Variants in ZNF385B observed in about 807,000 individuals in gnomAD.
The protein encoded by ZNF385B is zinc finger protein 385B, also known as zinc finger protein 533.
A neutral mutation model predicts 39.2 loss-of-function variants in ZNF385B; 23 were observed. The ratio of observed to expected loss-of-function variants is 0.59; its 90% CI spans 0.42 to 0.83. ZNF385B has a LOEUF of 0.83. ZNF385B is among the 40% of genes least tolerant of loss of function. The probability of loss-of-function intolerance (pLI) is 0.00; values close to 1 mark genes in which losing one functional copy is unlikely to be tolerated. For synonymous variants in ZNF385B, 205 were observed against 222.6 expected, an observed-to-expected ratio of 0.92 and a Z score of 0.70; for missense variants, 552 against 598.9, an observed-to-expected ratio of 0.92 and a Z score of 0.82.
chr2:179,765,813 G>A (rs952641376), intron 3 of ZNF385B, among the ~76,000 whole-genome samples: 5 of 152,050 alleles, frequency 3.3e-5, no homozygotes, highest in Admixed American at 6.6e-5. Flanking sequence ...ACCCATCTGC[G>A]GTTTCTGTTA....
In ZNF385B at chr2:179,720,961, G is replaced by T. The variant is rs116399769; in HGVS notation, c.298+48542C>A. On this transcript the variant is annotated intron_variant, in intron 3 of 9. Coordinates refer to ENST00000410066, the MANE Select transcript of ZNF385B (RefSeq NM_152520.6). The stretch of plus-strand genomic sequence containing the variant: ...TTTTTTTTTTTTTTGGAGAGACAAG[G>T]TCCTGGTATGTTGCCCAAGCTTATC... Among the ~76,000 whole-genome samples the T allele has an allele frequency of 5.3e-3, 729 of 137,940 alleles. 8 individuals carry two copies. The highest frequency in any genetic ancestry group is 0.018 in the African/African-American group (650 of 36,642). 90.5% of individuals were successfully genotyped at this position (137,940 alleles called of 152,430 possible).
In ZNF385B at chr2:179,843,465, A is replaced by C. The variant is rs532054733; in HGVS notation, c.-155+17636T>G. Among the ~76,000 whole-genome samples, 4 of 152,384 alleles carry C rather than the reference A, an allele frequency of 2.6e-5. No homozygotes were observed. In the South Asian group the frequency reaches 8.3e-4, roughly 32 times the overall value. The stretch of plus-strand genomic sequence containing the variant: ...GTCCAATCAAGACACACATCTATAT[A>C]GAAGCATTACTACACAAGATAAATA... On this transcript the variant is annotated intron_variant, in intron 1 of 9. Coordinates refer to ENST00000410066, the MANE Select transcript of ZNF385B (RefSeq NM_152520.6).
chr2:179,826,215 T>C (rs7607354), intron 1 of ZNF385B, among the ~76,000 whole-genome samples: 39,075 of 152,042 alleles, frequency 0.26, 5,250 homozygotes, highest in Non-Finnish European at 0.29. Flanking sequence ...AATGTTTAAA[T>C]AGACAAGGAA....
intron 3 of ZNF385B, among the ~76,000 whole-genome samples, chr2:179,693,680 A>G (rs560572470): frequency 6.6e-6 from 1 of 152,320 alleles, no homozygotes; most frequent in Admixed American, 6.5e-5. Context: ...AACATCATTC[A>G]AAATACTTTT....
At chr2:179,762,146 TG>T (rs1210539150) in intron 3 of ZNF385B, among the ~76,000 whole-genome samples, 1 of 152,102 alleles carries the variant, frequency 6.6e-6, no homozygotes, top group Admixed American at 6.6e-5. Flanking sequence ...GATGTGATCA[TG>T]TGACTTCTCT....
At chr2:179,681,477 A>G (rs1209392342) in intron 3 of ZNF385B, among the ~76,000 whole-genome samples, 1 of 152,224 alleles carries the variant, frequency 6.6e-6, no homozygotes, top group East Asian at 1.9e-4. Context: ...TGAAAGAAAA[A>G]TAAGTGTTTT....
At chr2:179,819,392 C>T (rs565275506) in intron 1 of ZNF385B, among the ~76,000 whole-genome samples, 7 of 152,134 alleles carry the variant, frequency 4.6e-5, no homozygotes, top group Admixed American at 3.9e-4. Flanking sequence ...TCACCTCCCC[C>T]TCTACCACAT....
At position 179,566,230 on chromosome 2, in the gene ZNF385B, T is replaced by C. The variant is rs115009895; in HGVS notation, c.299-21261A>G. Among the ~76,000 whole-genome samples, 586 of 152,342 alleles carry C rather than the reference T, an allele frequency of 3.8e-3. 4 individuals are homozygous for C. The highest frequency in any genetic ancestry group is 0.014 in the African/African-American group (562 of 41,580). On this transcript the variant is annotated intron_variant, in intron 3 of 9. Transcript: ENST00000410066. Reference sequence around the variant, plus strand: ...AGTTTAAGACCTCTTATAAATGAAGTATGTTCCTAATTTTGGCTTTAAGTC... The same window carrying C: ...AGTTTAAGACCTCTTATAAATGAAGCATGTTCCTAATTTTGGCTTTAAGTC...
Position 179,442,552 on chromosome 2 carries a change from A to G in ZNF385B, c.*698T>C, listed in dbSNP as rs2049062526. 1 of 152,678 alleles carries G rather than the reference A, an allele frequency of 6.5e-6. No individual in the cohort carries two copies. Among genetic ancestry groups the G allele is most frequent in the Non-Finnish European group, 1.5e-5 (1 of 68,048 alleles). 9.5% of individuals were successfully genotyped at this position (152,678 alleles called of 1,614,324 possible). On this transcript the variant is annotated 3_prime_UTR_variant, in exon 10 of 10. Coordinates refer to ENST00000410066, the MANE Select transcript of ZNF385B (RefSeq NM_152520.6). ...ATAAAATGTGAAATAAAGAAAATAC[A>G]TTATTTTATCTTTTATTCTCTTACA...
Position 179,823,877 on chromosome 2 carries a change from C to T in ZNF385B, c.-155+37224G>A, listed in dbSNP as rs532802024. ...TTGCAGTTATTTTTAAGTCTTGTTTCAGTTAGAATTGTTTTTGGTTGCAAG... is the reference window on the plus strand; with the variant it reads ...TTGCAGTTATTTTTAAGTCTTGTTTTAGTTAGAATTGTTTTTGGTTGCAAG... On this transcript the variant is annotated intron_variant, in intron 1 of 9. Coordinates refer to ENST00000410066, the MANE Select transcript of ZNF385B (RefSeq NM_152520.6). Among the ~76,000 whole-genome samples the T allele has an allele frequency of 1.6e-4, 24 of 152,148 alleles. No homozygotes were observed. In the East Asian group the frequency reaches 4.6e-3, roughly 29 times the overall value.
chr2:179,528,223 T>C (rs1574625959), intron 4 of ZNF385B, among the ~76,000 whole-genome samples: 1 of 152,120 alleles, frequency 6.6e-6, no homozygotes. Context: ...CTGCAGAGGA[T>C]TTTTTCAACT....
intron 3 of ZNF385B, among the ~76,000 whole-genome samples, chr2:179,705,107 C>CA (rs148791677): frequency 0.029 from 4,411 of 151,726 alleles, 212 homozygotes; most frequent in African/African-American, 0.098. Context: ...GAAAATAAGA[C>CA]AAAAAAACTC....
chr2:179,498,150 C>T (rs1386193186), intron 5 of ZNF385B, among the ~76,000 whole-genome samples: 2 of 152,034 alleles, frequency 1.3e-5, no homozygotes, highest in African/African-American at 4.8e-5. Context: ...GCTGATCTTT[C>T]CAGACAGAAA....
At chr2:179,843,993 A>C (rs1708674033) in intron 1 of ZNF385B, among the ~76,000 whole-genome samples, 1 of 152,240 alleles carries the variant, frequency 6.6e-6, no homozygotes, top group African/African-American at 2.4e-5. Context: ...CTGCCCAGCT[A>C]CAAGAATTCC....
At chr2:179,651,443 C>G (rs189684155) in intron 3 of ZNF385B, among the ~76,000 whole-genome samples, 1 of 152,106 alleles carries the variant, frequency 6.6e-6, no homozygotes, top group Admixed American at 6.5e-5. Context: ...TGACAAATGG[C>G]TTTACATTTA....
intron 1 of ZNF385B, among the ~76,000 whole-genome samples, chr2:179,794,885 T>C (rs189498721): frequency 4.9e-4 from 75 of 152,214 alleles, no homozygotes; most frequent in Admixed American, 2.0e-3. Flanking sequence ...TGGGTGGAGA[T>C]ACATCTGGGG....
In ZNF385B at chr2:179,559,803, T is replaced by C. The variant is rs536162618; in HGVS notation, c.299-14834A>G. Among the ~76,000 whole-genome samples, 5 of 152,156 alleles carry C rather than the reference T, an allele frequency of 3.3e-5. No individual in the cohort carries two copies. In the East Asian group the frequency reaches 9.7e-4, roughly 29 times the overall value. ...GTACCTAAAATCCACTCTTAGAAATTTTCTAACATACAAAATATATTAACT... is the reference window on the plus strand; with the variant it reads ...GTACCTAAAATCCACTCTTAGAAATCTTCTAACATACAAAATATATTAACT... On this transcript the variant is annotated intron_variant, in intron 3 of 9. Transcript: ENST00000410066.
chr2:179,558,456 T>C (rs1515299), intron 3 of ZNF385B, among the ~76,000 whole-genome samples: 127,899 of 152,152 alleles, frequency 0.84, 53,871 homozygotes, highest in East Asian at 0.98. Flanking sequence ...CAAGCCTGTT[T>C]AATTTGAGAA....
intron 6 of ZNF385B, among the ~76,000 whole-genome samples, chr2:179,476,857 C>A (rs974313985): frequency 1.3e-5 from 2 of 152,076 alleles, no homozygotes; most frequent in East Asian, 3.9e-4. Flanking sequence ...ATGACTATAC[C>A]CCAGAACTTC....
Sources: allele counts gnomAD v4.1 joint callset (sites outside exome capture counted in the v4.1 genomes callset), GRCh38; gene constraint gnomAD v4.1.1; transcripts MANE v1.5; gene names NCBI Gene and HGNC (gene_info 2026-07-23, HGNC 2026-07-21).